Variants in FCRL1 observed in about 807,000 individuals in gnomAD.
FCRL1 encodes Fc receptor like 1.
FCRL1 carries 34 observed loss-of-function variants against 49.2 expected under a neutral mutation model. That is an observed-to-expected ratio of 0.69 (90% CI 0.53 to 0.92). The LOEUF is 0.92. Ranked by LOEUF, FCRL1 falls within the 40% of genes least tolerant of loss-of-function variation. The probability of loss-of-function intolerance (pLI) is 0.00; values close to 1 mark genes in which losing one functional copy is unlikely to be tolerated. For missense variants in FCRL1, 524 were observed against 524.1 expected (o/e 1.00, Z 0.00); for synonymous variants, 218 against 201.6 (o/e 1.08, Z -0.69).
intron 1 of FCRL1, among the ~76,000 whole-genome samples, chr1:157,813,537 C>T (rs74121545): frequency 2.1e-3 from 316 of 152,024 alleles, no homozygotes; most frequent in African/African-American, 7.0e-3. Context: ...TTGAAATAAC[C>T]CAGTTAGCTG....
In FCRL1 at chr1:157,795,297, G is replaced by A. The variant is rs1285712188; in HGVS notation, c.*802C>T. 1 of 152,176 alleles carries A rather than the reference G, an allele frequency of 6.6e-6. No individual in the cohort carries two copies. Among genetic ancestry groups the A allele is most frequent in the Non-Finnish European group, 1.5e-5 (1 of 68,042 alleles). The allele number at this position is 152,176 out of a possible 1,614,324, so 9.4% of individuals were successfully genotyped here. On this transcript the variant is annotated 3_prime_UTR_variant, in exon 11 of 11. Coordinates refer to ENST00000368176, the MANE Select transcript of FCRL1 (RefSeq NM_052938.5). ...TTGAGCCTGAGAGGCAGGCGTTGCA[G>A]TGAGGCAAGATTGTGCCACTGCATT...
intron 9 of FCRL1, 144 bp from the exon 10 acceptor site, chr1:157,797,276 A>G (rs761173532): frequency 1.1e-6 from 1 of 940,540 alleles, no homozygotes; most frequent in South Asian, 1.5e-5. Flanking sequence ...TTTTCTGTTT[A>G]TCACAAATGT....
chr1:157,817,934 G>T (rs1322195124), intron 1 of FCRL1, among the ~76,000 whole-genome samples: 2 of 152,140 alleles, frequency 1.3e-5, no homozygotes, highest in East Asian at 3.9e-4. Context: ...ACAGAAAAAT[G>T]CAAATCAAAA....
chr1:157,806,811 G>A (rs907203026), intron 2 of FCRL1: 1 of 313,310 alleles, frequency 3.2e-6, no homozygotes, highest in Non-Finnish European at 5.9e-6. Flanking sequence ...TGCAAACAGT[G>A]TCTCCCTCCC....
At chr1:157,807,406 G>A (rs924263603) in intron 1 of FCRL1, among the ~76,000 whole-genome samples, 4 of 151,998 alleles carry the variant, frequency 2.6e-5, no homozygotes, top group East Asian at 1.9e-4. Context: ...ACAACACATC[G>A]TTCTTTTTTA....
chr1:157,817,250 T>C (rs955086463), intron 1 of FCRL1, among the ~76,000 whole-genome samples: 1 of 127,704 alleles, frequency 7.8e-6, no homozygotes, highest in Non-Finnish European at 1.7e-5. Context: ...TCAGGTATTA[T>C]ACTACCTGAC....
chr1:157,799,828 G>T (rs1329972414), intron 7 of FCRL1, among the ~76,000 whole-genome samples: 1 of 152,016 alleles, frequency 6.6e-6, no homozygotes, highest in African/African-American at 2.4e-5. Context: ...CAGTGGTATT[G>T]AAGGGGATCA....
At chr1:157,803,358 C>G (rs909452924) in intron 3 of FCRL1, among the ~76,000 whole-genome samples, 1 of 152,180 alleles carries the variant, frequency 6.6e-6, no homozygotes, top group African/African-American at 2.4e-5. Flanking sequence ...ATGAAGCACT[C>G]TTTTCTTTCT....
intron 1 of FCRL1, among the ~76,000 whole-genome samples, chr1:157,811,195 G>A (rs1435632110): frequency 6.6e-6 from 1 of 152,108 alleles, no homozygotes; most frequent in Non-Finnish European, 1.5e-5. Context: ...CTGACTAGAG[G>A]TGTCTATTAC....
chr1:157,797,416 A>G (rs1204073677), intron 9 of FCRL1, among the ~76,000 whole-genome samples: 2 of 152,168 alleles, frequency 1.3e-5, no homozygotes, highest in Admixed American at 6.5e-5. Context: ...GGACAAGAGC[A>G]CCAGCTAGGC....
chr1:157,804,015 A>G lies in FCRL1; in HGVS notation c.149T>C (p.Phe50Ser). ...GGTGTCTCTGAAAAAGCAGAACTGG[A>G]ACTGGGCATCTGAACTCTGTAGAAA... is the stretch of plus-strand genomic sequence containing the variant. Reference protein sequence around the residue: ...MPFLQSSDAQFQFCFFRDTRA... With the variant: ...MPFLQSSDAQSQFCFFRDTRA... The change falls in exon 3 of 11, where the codon TTC becomes TCC. Residue 50 changes from phenylalanine to serine, a missense_variant. Transcript: ENST00000368176. 1 of 1,614,190 alleles carries G rather than the reference A, an allele frequency of 6.2e-7. No individual in the cohort carries two copies. Among genetic ancestry groups the G allele is most frequent in the Middle Eastern group, 1.6e-4 (1 of 6,062 alleles).
At chr1:157,801,114 T>A (rs1283659762) in intron 6 of FCRL1, among the ~76,000 whole-genome samples, 1 of 152,054 alleles carries the variant, frequency 6.6e-6, no homozygotes. Context: ...ATGGTCTCGA[T>A]CTCCTGACCT....
Position 157,797,943 on chromosome 1 carries a change from C to A in FCRL1, c.1115-4G>T. 2 of 1,613,968 alleles carry A rather than the reference C, an allele frequency of 1.2e-6. No individual in the cohort carries two copies. The highest frequency in any genetic ancestry group is 8.5e-7 in the Non-Finnish European group (1 of 1,179,842). On this transcript the variant is annotated splice_polypyrimidine_tract_variant and splice_region_variant and intron_variant, in intron 8 of 10. Coordinates refer to ENST00000368176, the MANE Select transcript of FCRL1 (RefSeq NM_052938.5). Reference sequence around the variant, plus strand: ...TCATCCCCACTTACAACATTCACTGCAAGAGAAGGAGGGAGACTTCATGAC... The same window carrying A: ...TCATCCCCACTTACAACATTCACTGAAAGAGAAGGAGGGAGACTTCATGAC...
rs1655591502 is a variant in FCRL1, at chr1:157,820,081, A to G, written c.-44T>C. The G allele has an allele frequency of 6.2e-7, 1 of 1,611,442 alleles. No homozygotes were observed. The highest frequency in any genetic ancestry group is 8.5e-7 in the Non-Finnish European group (1 of 1,177,624). ...GGTACCTAGAGATGCCTCTCATCAA[A>G]AAAAGAATGCACCTCAGAGTCGAGC... On this transcript the variant is annotated 5_prime_UTR_variant, in exon 1 of 11. Coordinates refer to ENST00000368176, the MANE Select transcript of FCRL1 (RefSeq NM_052938.5).
rs1652601523 is a variant in FCRL1 at position 157,802,101 on chromosome 1, C to T, written c.700G>A (p.Gly234Ser). The change falls in exon 5 of 11, where the codon GGC becomes AGC. Residue 234 changes from glycine (G) to serine (S), a missense_variant. Coordinates refer to ENST00000368176, the MANE Select transcript of FCRL1 (RefSeq NM_052938.5). Reference sequence around the variant, plus strand: ...AACCAGTACAGGATCGGAGGAGAGCCTCTCAGGGCCTCACAGTGAAGCTCC... The same window carrying T: ...AACCAGTACAGGATCGGAGGAGAGCTTCTCAGGGCCTCACAGTGAAGCTCC... ...VLELHCEALR[G>S]SPPILYWFYH... 1 of 1,614,082 alleles carries T rather than the reference C, an allele frequency of 6.2e-7. No homozygotes were observed. The highest frequency in any genetic ancestry group is 1.7e-5 in the Admixed American group (1 of 60,012).
At chr1:157,815,129 T>A (rs1654852040) in intron 1 of FCRL1, among the ~76,000 whole-genome samples, 1 of 151,892 alleles carries the variant, frequency 6.6e-6, no homozygotes, top group Non-Finnish European at 1.5e-5. Flanking sequence ...TATAGAACAT[T>A]TCACCCAATA....
chr1:157,801,478 C>T lies in FCRL1; in HGVS notation c.986G>A (p.Gly329Asp). The T allele has an allele frequency of 6.2e-7, 1 of 1,611,800 alleles. No homozygotes were observed. The highest frequency in any genetic ancestry group is 8.5e-7 in the Non-Finnish European group (1 of 1,178,278). Reference sequence around the variant, plus strand: ...ATACTAACCTATTTTTCTTTTGAGGCCGTAGCAAAATAATAAGGCCACGGT... The same window carrying T: ...ATACTAACCTATTTTTCTTTTGAGGTCGTAGCAAAATAATAAGGCCACGGT... Reference protein sequence around the residue: ...PATVALLFCYGLKRKIGRRSA... With the variant: ...PATVALLFCYDLKRKIGRRSA... The change falls in exon 6 of 11, where the codon GGC becomes GAC. Residue 329 changes from glycine (G) to aspartate (D), a missense_variant. Gly to Asp is a moderately conservative substitution (Grantham distance 94). Coordinates refer to ENST00000368176, the MANE Select transcript of FCRL1 (RefSeq NM_052938.5).
intron 7 of FCRL1, 56 bp from the exon 8 acceptor site, chr1:157,798,299 A>C (rs1303343068): frequency 2.1e-6 from 3 of 1,402,276 alleles, no homozygotes; most frequent in Non-Finnish European, 3.0e-6. Flanking sequence ...GATCATGCAG[A>C]TATCACACTG....
In FCRL1 at chr1:157,795,978, T is replaced by G; in HGVS notation, c.*121A>C. On this transcript the variant is annotated 3_prime_UTR_variant, in exon 11 of 11. Coordinates refer to ENST00000368176, the MANE Select transcript of FCRL1 (RefSeq NM_052938.5). ...CACAGTAGATGAAGGAATAGTGCCA[T>G]GGAGAATGGCATCCAGAAGAGGTAT... 1 of 838,146 alleles carries G rather than the reference T, an allele frequency of 1.2e-6. No individual in the cohort carries two copies. The highest frequency in any genetic ancestry group is 1.5e-5 in the South Asian group (1 of 66,854). 51.9% of individuals were successfully genotyped at this position (838,146 alleles called of 1,614,324 possible).
Sources: allele counts gnomAD v4.1 joint callset (sites outside exome capture counted in the v4.1 genomes callset), GRCh38; gene constraint gnomAD v4.1.1; transcripts MANE v1.5; gene names NCBI Gene and HGNC (gene_info 2026-07-23, HGNC 2026-07-21).